Variants in IL1RAPL1 observed in about 807,000 individuals in gnomAD.
The protein encoded by IL1RAPL1 is interleukin 1 receptor accessory protein like 1, also known as interleukin-1 receptor accessory protein-like 1.
Under a neutral mutation model 48.4 loss-of-function variants are expected in IL1RAPL1, and 3 were observed. That is an observed-to-expected ratio of 0.06 (90% confidence interval 0.03 to 0.16). IL1RAPL1 has a LOEUF of 0.16. Ranked by LOEUF, IL1RAPL1 falls within the 10% of genes least tolerant of loss-of-function variation. The probability of loss-of-function intolerance (pLI) is 1.00; values close to 1 mark genes in which losing one functional copy is unlikely to be tolerated. For missense variants in IL1RAPL1, 349 were observed against 530.6 expected (o/e 0.66, Z 3.36); for synonymous variants, 185 against 187.7 (o/e 0.99, Z 0.12).
intron 1 of IL1RAPL1, among the ~76,000 whole-genome samples, chrX:28,748,767 C>T (rs1395332842): frequency 1.8e-5 from 2 of 111,400 alleles, no homozygotes; most frequent in African/African-American, 6.5e-5. Flanking sequence ...TCCATAACCT[C>T]GGGGATTTAT....
At chrX:29,307,470 GA>G (rs1932642858) in intron 3 of IL1RAPL1, among the ~76,000 whole-genome samples, 1 of 111,089 alleles carries the variant, frequency 9.0e-6, no homozygotes, top group African/African-American at 3.3e-5. Context: ...AAGAGATGAT[GA>G]AAAAAAGGAG....
intron 5 of IL1RAPL1, among the ~76,000 whole-genome samples, chrX:29,545,426 A>G (rs1569335591): frequency 9.0e-6 from 1 of 111,581 alleles, no homozygotes; most frequent in Non-Finnish European, 1.9e-5. Flanking sequence ...ATATGTGCAC[A>G]TCCATGCATC....
rs1253762300 is a variant in IL1RAPL1, at chrX:29,940,059, C to T, written c.1058-1592C>T. 2.7e-5 allele frequency among the ~76,000 whole-genome samples: 3 copies of T among 110,175 alleles called. No homozygotes were observed. In the East Asian group the frequency reaches 8.6e-4, roughly 31 times the overall value. ...TGTATTTTTAGTAGAGACAGGGTTTCGCCACGTTGGCCAGGCTGGTCTCAA... is the reference window on the plus strand; with the variant it reads ...TGTATTTTTAGTAGAGACAGGGTTTTGCCACGTTGGCCAGGCTGGTCTCAA... On this transcript the variant is annotated intron_variant, in intron 8 of 10. Coordinates refer to ENST00000378993, the MANE Select transcript of IL1RAPL1 (RefSeq NM_014271.4).
chrX:28,830,904 T>C (rs1046085278), intron 2 of IL1RAPL1, among the ~76,000 whole-genome samples: 2 of 108,765 alleles, frequency 1.8e-5, no homozygotes, highest in South Asian at 4.1e-4. Flanking sequence ...CACTGAAATA[T>C]CTTCTTGGCT....
chrX:29,115,470 T>G (rs1033449210), intron 2 of IL1RAPL1, among the ~76,000 whole-genome samples: 5 of 111,600 alleles, frequency 4.5e-5, no homozygotes, highest in Middle Eastern at 4.7e-3. Flanking sequence ...AATAATTTTA[T>G]TCACCAGGAG....
At chrX:29,730,369 T>C in intron 6 of IL1RAPL1, among the ~76,000 whole-genome samples, 1 of 112,481 alleles carries the variant, frequency 8.9e-6, no homozygotes, top group Middle Eastern at 4.6e-3. Context: ...TCTTGCTGTG[T>C]CTTCTCTTAT....
chrX:29,800,249 A>T, intron 6 of IL1RAPL1, among the ~76,000 whole-genome samples: 1 of 110,895 alleles, frequency 9.0e-6, no homozygotes, highest in Non-Finnish European at 1.9e-5. Context: ...GCCTTGTGGT[A>T]AAATCACATG....
chrX:29,117,973 A>T (rs1010607654), intron 2 of IL1RAPL1, among the ~76,000 whole-genome samples: 13 of 112,005 alleles, frequency 1.2e-4, no homozygotes, highest in African/African-American at 4.2e-4. Context: ...AAATTTGATG[A>T]CACATTTAAT....
At chrX:29,024,101 A>T (rs1926430501) in intron 2 of IL1RAPL1, among the ~76,000 whole-genome samples, 1 of 111,939 alleles carries the variant, frequency 8.9e-6, no homozygotes, top group Non-Finnish European at 1.9e-5. Context: ...ATGCAGACAA[A>T]TTAAATGACT....
At chrX:29,254,451 G>T (rs1057169125) in intron 2 of IL1RAPL1, among the ~76,000 whole-genome samples, 1 of 108,948 alleles carries the variant, frequency 9.2e-6, no homozygotes, top group African/African-American at 3.3e-5. Flanking sequence ...TTGTGTGTAT[G>T]TGAGAGAGAG....
chrX:29,034,917 G>C (rs1364780212), intron 2 of IL1RAPL1, among the ~76,000 whole-genome samples: 3 of 108,452 alleles, frequency 2.8e-5, no homozygotes, highest in African/African-American at 1.0e-4. Flanking sequence ...TGCAGTGGCG[G>C]GATCTCGCCT....
chrX:29,586,813 T>G (rs1227870416), intron 5 of IL1RAPL1, among the ~76,000 whole-genome samples: 1 of 111,707 alleles, frequency 9.0e-6, no homozygotes, highest in Non-Finnish European at 1.9e-5. Flanking sequence ...GATTATTTTA[T>G]TAATTTCTTC....
chrX:29,281,129 A>G (rs1269456704), intron 2 of IL1RAPL1, among the ~76,000 whole-genome samples: 2 of 111,660 alleles, frequency 1.8e-5, no homozygotes, highest in Non-Finnish European at 3.8e-5. Context: ...TGAATATTAT[A>G]TTATTTATCC....
At chrX:28,974,901 A>G (rs1052015179) in intron 2 of IL1RAPL1, among the ~76,000 whole-genome samples, 1 of 112,280 alleles carries the variant, frequency 8.9e-6, no homozygotes, top group Non-Finnish European at 1.9e-5. Context: ...AAGGAGATGG[A>G]GATTACTGGC....
At chrX:28,715,396 A>G (rs966434858) in intron 1 of IL1RAPL1, among the ~76,000 whole-genome samples, 1 of 112,136 alleles carries the variant, frequency 8.9e-6, no homozygotes, top group East Asian at 2.8e-4. Context: ...CAGCTAAGGC[A>G]GTGTTAAGAG....
intron 2 of IL1RAPL1, among the ~76,000 whole-genome samples, chrX:29,271,253 C>G (rs1932037114): frequency 8.9e-6 from 1 of 111,932 alleles, no homozygotes; most frequent in African/African-American, 3.2e-5. Context: ...TTTTCTTTAT[C>G]CAGTCTACCA....
intron 2 of IL1RAPL1, among the ~76,000 whole-genome samples, chrX:29,161,428 T>C (rs1376090105): frequency 8.9e-6 from 1 of 112,334 alleles, no homozygotes; most frequent in African/African-American, 3.2e-5. Context: ...GTATTAGGAA[T>C]AGATGTATTA....
chrX:28,643,298 T>C (rs1473709111), intron 1 of IL1RAPL1, among the ~76,000 whole-genome samples: 1 of 111,246 alleles, frequency 9.0e-6, no homozygotes, highest in African/African-American at 3.3e-5. Flanking sequence ...CTCCCCATAG[T>C]ACTGCTTGAG....
chrX:28,805,969 A>T (rs1229551080), intron 2 of IL1RAPL1, among the ~76,000 whole-genome samples: 7 of 110,239 alleles, frequency 6.3e-5, no homozygotes, highest in East Asian at 2.9e-4. Flanking sequence ...AACACTGAAA[A>T]ATCTCATCAC....
Sources: allele counts gnomAD v4.1 joint callset (sites outside exome capture counted in the v4.1 genomes callset), GRCh38; gene constraint gnomAD v4.1.1; transcripts MANE v1.5; gene names NCBI Gene and HGNC (gene_info 2026-07-23, HGNC 2026-07-21).